DOCK9: variants seen among roughly 807,000 people sequenced by gnomAD.
The protein encoded by DOCK9 is dedicator of cytokinesis 9.
DOCK9 carries 89 observed loss-of-function variants against 263.3 expected under a neutral mutation model. The observed-to-expected ratio is 0.34, with a 90% CI of 0.28 to 0.40. DOCK9 has a LOEUF of 0.40. Among genes scored for constraint, DOCK9 ranks in the 10% least tolerant of loss-of-function variants. The pLI is 1.00. For synonymous variants in DOCK9, 976 were observed against 973.1 expected, an observed-to-expected ratio of 1.00 and a Z score of -0.06; for missense variants, 2,140 against 2,603.4, an observed-to-expected ratio of 0.82 and a Z score of 3.87.
chr13:99,021,410 C>T (rs186136289), intron 1 of DOCK9, among the ~76,000 whole-genome samples: 64 of 152,222 alleles, frequency 4.2e-4, no homozygotes, highest in Non-Finnish European at 6.6e-4. Flanking sequence ...GAGGCCAAGG[C>T]GGATGGATCA....
chr13:99,058,028 G>A (rs1437695405), intron 1 of DOCK9, among the ~76,000 whole-genome samples: 1 of 152,064 alleles, frequency 6.6e-6, no homozygotes, highest in Non-Finnish European at 1.5e-5. Context: ...AACAGAGGGG[G>A]AAGGGTATTT....
At chr13:98,844,583 G>A (rs900249375) in intron 38 of DOCK9, among the ~76,000 whole-genome samples, 14 of 152,038 alleles carry the variant, frequency 9.2e-5, no homozygotes, top group East Asian at 3.9e-4. Flanking sequence ...GGCTGGTCTC[G>A]AACTCCTGGT....
Position 99,074,182 on chromosome 13 carries a change from G to GGTCC in DOCK9, c.129+12037_129+12040dup, listed in dbSNP as rs544080248. ...AAATTTCCTTTTCTTTTTTCACAAT[G>GGTCC]GTCCTTAAACTGGATTCATTTATCT... On this transcript the variant is annotated intron_variant, in intron 1 of 32. Coordinates refer to the DOCK9 transcript ENST00000427887. 1.6e-3 allele frequency among the ~76,000 whole-genome samples: 249 copies of GGTCC among 152,346 alleles called. 9 individuals carry two copies. In the South Asian group the frequency reaches 0.048, roughly 29 times the overall value.
chr13:98,859,402 G>T (rs2093790588), intron 33 of DOCK9: 1 of 152,086 alleles, frequency 6.6e-6, no homozygotes, highest in Non-Finnish European at 1.5e-5. Flanking sequence ...TTAAGGACTG[G>T]TATTATTATT....
intron 2 of DOCK9, among the ~76,000 whole-genome samples, chr13:98,945,070 T>C (rs915285218): frequency 2.6e-5 from 4 of 152,234 alleles, no homozygotes; most frequent in Admixed American, 2.6e-4. Context: ...TGATTCTAAA[T>C]GTTTGTAAAT....
chr13:98,898,049 TGGG>T, intron 14 of DOCK9, 127 bp downstream of exon 14: 4 of 678,224 alleles, frequency 5.9e-6, no homozygotes, highest in Admixed American at 3.0e-5. Flanking sequence ...TTTCAAAATC[TGGG>T]CTTATGTATT....
At chr13:98,852,175 T>C (rs1374924913) in intron 35 of DOCK9, among the ~76,000 whole-genome samples, 1 of 152,236 alleles carries the variant, frequency 6.6e-6, no homozygotes. Flanking sequence ...AAACTCATTA[T>C]TACCATGAAG....
At chr13:98,900,335 T>C (rs2048085106) in intron 13 of DOCK9, among the ~76,000 whole-genome samples, 1 of 152,186 alleles carries the variant, frequency 6.6e-6, no homozygotes, top group Admixed American at 6.5e-5. Context: ...TGGATGGGCC[T>C]TGGAAATGTG....
At chr13:98,797,875 C>G (rs1308553954) in intron 50 of DOCK9, among the ~76,000 whole-genome samples, 1 of 152,208 alleles carries the variant, frequency 6.6e-6, no homozygotes, top group Non-Finnish European at 1.5e-5. Context: ...CTGCACTACA[C>G]TGAACTAACA....
chr13:99,027,508 C>T (rs1323543602), intron 1 of DOCK9, among the ~76,000 whole-genome samples: 1 of 152,152 alleles, frequency 6.6e-6, no homozygotes, highest in Non-Finnish European at 1.5e-5. Context: ...CGCATTAAAC[C>T]ACCAGAGGCT....
At chr13:98,969,592 AGCGGGAT>A (rs2059534886) in intron 1 of DOCK9, among the ~76,000 whole-genome samples, 1 of 152,236 alleles carries the variant, frequency 6.6e-6, no homozygotes, top group African/African-American at 2.4e-5. Flanking sequence ...ACTACAATAA[AGCGGGAT>A]GCCTGACAAC....
chr13:98,850,229 A>G, intron 35 of DOCK9, 116 bp from the exon 36 acceptor site: 1 of 697,372 alleles, frequency 1.4e-6, no homozygotes, highest in Non-Finnish European at 2.3e-6. Context: ...CCTGGAGTGT[A>G]GGCCTCTAAA....
intron 15 of DOCK9, among the ~76,000 whole-genome samples, chr13:98,894,990 G>C (rs939997083): frequency 9.0e-5 from 13 of 144,204 alleles, no homozygotes; most frequent in African/African-American, 3.3e-4. Context: ...AAAAATTAGC[G>C]GGGCGTGGCA....
In DOCK9 at chr13:98,926,818, T is replaced by C. The variant is rs146720647; in HGVS notation, c.334-899A>G. Among the ~76,000 whole-genome samples, 91 of 152,376 alleles carry C rather than the reference T, an allele frequency of 6.0e-4. 1 individual carries two copies. Among genetic ancestry groups the C allele is most frequent in the Non-Finnish European group, 9.7e-4 (66 of 68,034 alleles). The stretch of plus-strand genomic sequence containing the variant: ...AAGCATGAGTGAATCAATGAAAACA[T>C]AGGTCGATAAATGTATTTATGCCTT... On this transcript the variant is annotated intron_variant, in intron 3 of 52. Coordinates refer to ENST00000682017, the MANE Select transcript of DOCK9 (RefSeq NM_001366683.2).
chr13:98,938,053 C>T lies in DOCK9; in HGVS notation c.244-7796G>A, dbSNP rs760510257. ...TGCTTCTATCATCACTCACTGCTCTCTCTGCAGCTTAAATGTGGAATCCCT... is the reference window on the plus strand; with the variant it reads ...TGCTTCTATCATCACTCACTGCTCTTTCTGCAGCTTAAATGTGGAATCCCT... On this transcript the variant is annotated intron_variant, in intron 2 of 52. Coordinates refer to ENST00000682017, the MANE Select transcript of DOCK9 (RefSeq NM_001366683.2). Among the ~76,000 whole-genome samples, 3 of 152,310 alleles carry T rather than the reference C, an allele frequency of 2.0e-5. 1 individual carries two copies. The highest frequency in any genetic ancestry group is 1.5e-5 in the Non-Finnish European group (1 of 68,044).
intron 1 of DOCK9, among the ~76,000 whole-genome samples, chr13:99,022,722 C>T (rs539248349): frequency 7.2e-5 from 11 of 152,274 alleles, no homozygotes; most frequent in Non-Finnish European, 1.5e-4. Context: ...GCAGGAGGAT[C>T]GCTTGAGCCC....
At chr13:99,073,554 T>C (rs926096610) in intron 1 of DOCK9, among the ~76,000 whole-genome samples, 5 of 152,170 alleles carry the variant, frequency 3.3e-5, no homozygotes, top group African/African-American at 1.2e-4. Context: ...GGTCTTCTTA[T>C]ACAATGAACA....
At chr13:98,908,437 T>C (rs2049453030) in intron 9 of DOCK9, among the ~76,000 whole-genome samples, 1 of 152,068 alleles carries the variant, frequency 6.6e-6, no homozygotes. Flanking sequence ...GTGTACTGTT[T>C]GTAGAGGCTA....
At chr13:99,086,114 G>C in intron 1 of DOCK9, 2 of 1,349,222 alleles carry the variant, frequency 1.5e-6, no homozygotes, top group Non-Finnish European at 1.9e-6. Context: ...GACCCAGCAG[G>C]GTCGGCCGCT....
Sources: allele counts gnomAD v4.1 joint callset (sites outside exome capture counted in the v4.1 genomes callset), GRCh38; gene constraint gnomAD v4.1.1; transcripts MANE v1.5; gene names NCBI Gene and HGNC (gene_info 2026-07-23, HGNC 2026-07-21).